ZDHHC14: variants seen among roughly 807,000 people sequenced by gnomAD.
ZDHHC14 encodes zDHHC palmitoyltransferase 14.
A neutral mutation model predicts 47.7 loss-of-function variants in ZDHHC14; 16 were observed. That is an observed-to-expected ratio of 0.34 (90% CI 0.23 to 0.51). ZDHHC14 has a LOEUF of 0.51. Ranked by LOEUF, ZDHHC14 falls within the 20% of genes least tolerant of loss-of-function variation. The pLI is 0.97. For synonymous variants in ZDHHC14, 293 were observed against 278.9 expected (o/e 1.05, Z -0.50); for missense variants, 515 against 662.5 (o/e 0.78, Z 2.44).
chr6:157,579,432 C>T (rs113394028), intron 2 of ZDHHC14, among the ~76,000 whole-genome samples: 46,019 of 151,746 alleles, frequency 0.3, 9,428 homozygotes, highest in African/African-American at 0.59. Context: ...CTGCTGACCT[C>T]GTGATCCGCC....
chr6:157,386,223 C>G (rs1777308367), intron 1 of ZDHHC14, among the ~76,000 whole-genome samples: 1 of 152,112 alleles, frequency 6.6e-6, no homozygotes, highest in Non-Finnish European at 1.5e-5. Flanking sequence ...AAGTAAAAAC[C>G]TGGCCGGGCA....
intron 8 of ZDHHC14, among the ~76,000 whole-genome samples, chr6:157,668,522 T>TAAAA (rs34696696): frequency 8.1e-6 from 1 of 123,930 alleles, no homozygotes; most frequent in Non-Finnish European, 1.7e-5. Context: ...CCATCTCCAC[T>TAAAA]AAAAAAAAAA....
At chr6:157,495,770 T>G (rs1780049102) in intron 1 of ZDHHC14, among the ~76,000 whole-genome samples, 1 of 143,324 alleles carries the variant, frequency 7.0e-6, no homozygotes, top group Non-Finnish European at 1.5e-5. Context: ...AGTGGTGTAA[T>G]CTCAGCTCAC....
At chr6:157,432,839 CTTCTGGAAGTTGCCAGGTACTGTTG>C (rs2114782688) in intron 1 of ZDHHC14, among the ~76,000 whole-genome samples, 1 of 152,334 alleles carries the variant, frequency 6.6e-6, no homozygotes, top group South Asian at 2.1e-4. Flanking sequence ...GCTTTTCATG[CTTCTGGAAGTTGCCAGGTACTGTTG>C]ACATTTAAGC....
chr6:157,489,117 A>G (rs1779851244), intron 1 of ZDHHC14, among the ~76,000 whole-genome samples: 1 of 152,214 alleles, frequency 6.6e-6, no homozygotes, highest in South Asian at 2.1e-4. Context: ...CGAGGGTGTA[A>G]GCAACCTGCC....
intron 2 of ZDHHC14, among the ~76,000 whole-genome samples, chr6:157,579,863 T>C (rs1783451387): frequency 6.6e-6 from 1 of 152,206 alleles, no homozygotes; most frequent in South Asian, 2.1e-4. Flanking sequence ...TCCTCTATTC[T>C]TATCTGAATG....
At chr6:157,622,235 AAAAAT>A (rs1369171381) in intron 3 of ZDHHC14, among the ~76,000 whole-genome samples, 351 of 126,958 alleles carry the variant, frequency 2.8e-3, no homozygotes, top group African/African-American at 9.5e-3. Context: ...AAAAAAAAAA[AAAAAT>A]AGCCAGATGT....
At chr6:157,637,420 C>G (rs1777040300) in intron 5 of ZDHHC14, among the ~76,000 whole-genome samples, 1 of 152,204 alleles carries the variant, frequency 6.6e-6, no homozygotes, top group Admixed American at 6.5e-5. Flanking sequence ...CTCCCAGCCC[C>G]TTCCGCTGCT....
chr6:157,597,906 C>T (rs993770719), intron 3 of ZDHHC14, among the ~76,000 whole-genome samples: 3 of 152,264 alleles, frequency 2.0e-5, no homozygotes, highest in Admixed American at 6.5e-5. Context: ...AGTGTCCAGT[C>T]GCTTTTATTT....
In ZDHHC14 at chr6:157,628,437, T is replaced by A. The variant is rs1785527191; in HGVS notation, c.654T>A (p.Ser218=). The A allele has an allele frequency of 6.2e-7, 1 of 1,613,378 alleles. No individual in the cohort carries two copies. The highest frequency in any genetic ancestry group is 1.3e-5 in the African/African-American group (1 of 74,866). Reference sequence around the variant, plus strand: ...TTTATATGTTTATTTTATCTCTGTCTTTTCTGACAGTCTTTATATTTGCAT... The same window carrying A: ...TTTATATGTTTATTTTATCTCTGTCATTTCTGACAGTCTTTATATTTGCAT... ...RFFYMFILSL[S]FLTVFIFAFV... is the part of the protein sequence containing the mutation. The change falls in exon 4 of 9, where the codon TCT becomes TCA. Residue 218 remains serine, a synonymous_variant. Transcript: ENST00000359775.
intron 5 of ZDHHC14, among the ~76,000 whole-genome samples, chr6:157,635,270 G>A (rs975623399): frequency 6.6e-6 from 1 of 152,194 alleles, no homozygotes; most frequent in Non-Finnish European, 1.5e-5. Context: ...TGGGATTACA[G>A]GCGTGAGCTA....
chr6:157,384,808 A>G (rs748245909), intron 1 of ZDHHC14, among the ~76,000 whole-genome samples: 44 of 152,216 alleles, frequency 2.9e-4, no homozygotes, highest in Non-Finnish European at 3.1e-4. Context: ...GAAAATACCA[A>G]CAGGCCAATC....
intron 1 of ZDHHC14, among the ~76,000 whole-genome samples, chr6:157,518,878 C>A (rs952330690): frequency 1.3e-5 from 2 of 152,242 alleles, no homozygotes; most frequent in African/African-American, 4.8e-5. Flanking sequence ...TCACATGTGG[C>A]TTGAGATCCT....
chr6:157,480,274 C>CTTT (rs368547618), intron 1 of ZDHHC14, among the ~76,000 whole-genome samples: 41 of 99,694 alleles, frequency 4.1e-4, no homozygotes, highest in Middle Eastern at 6.3e-3. Flanking sequence ...TTTTTTTTTG[C>CTTT]TTTTTTTTTT....
At chr6:157,385,803 A>G (rs1290947450) in intron 1 of ZDHHC14, among the ~76,000 whole-genome samples, 1 of 152,250 alleles carries the variant, frequency 6.6e-6, no homozygotes, top group Non-Finnish European at 1.5e-5. Context: ...TCCTCGTTCA[A>G]GTCTAGGGTA....
intron 2 of ZDHHC14, among the ~76,000 whole-genome samples, chr6:157,571,120 A>G (rs1783082135): frequency 6.6e-6 from 1 of 152,192 alleles, no homozygotes; most frequent in African/African-American, 2.4e-5. Context: ...GTTTCTATTC[A>G]TGGAATCATT....
At chr6:157,429,588 AG>A (rs1278988383) in intron 1 of ZDHHC14, among the ~76,000 whole-genome samples, 2 of 60,776 alleles carry the variant, frequency 3.3e-5, no homozygotes, top group Non-Finnish European at 6.2e-5. Context: ...GAAGGGAGGG[AG>A]GGAGGGAGGG....
At chr6:157,449,618 A>G (rs1160833888) in intron 1 of ZDHHC14, among the ~76,000 whole-genome samples, 2 of 152,180 alleles carry the variant, frequency 1.3e-5, no homozygotes, top group Admixed American at 6.5e-5. Flanking sequence ...TTTCATATAA[A>G]TGGAATCATA....
chr6:157,668,483 A>G (rs987373396), intron 8 of ZDHHC14, among the ~76,000 whole-genome samples: 8 of 150,262 alleles, frequency 5.3e-5, no homozygotes, highest in Non-Finnish European at 1.5e-5. Flanking sequence ...CAGGAGTTTG[A>G]GACCAGCCTG....
Sources: allele counts gnomAD v4.1 joint callset (sites outside exome capture counted in the v4.1 genomes callset), GRCh38; gene constraint gnomAD v4.1.1; transcripts MANE v1.5; gene names NCBI Gene and HGNC (gene_info 2026-07-23, HGNC 2026-07-21).